The following GRM7 variants were observed in gnomAD, a reference collection of about 807,000 sequenced individuals.
GRM7 encodes glutamate metabotropic receptor 7.
GRM7 carries 35 observed loss-of-function variants against 84.5 expected under a neutral mutation model. The ratio of observed to expected loss-of-function variants is 0.41; its 90% confidence interval spans 0.32 to 0.55. GRM7 has a LOEUF of 0.55. GRM7 is among the 20% of genes least tolerant of loss of function. The probability of loss-of-function intolerance (pLI) is 0.19; values close to 1 mark genes in which losing one functional copy is unlikely to be tolerated. For missense variants in GRM7, 1,003 were observed against 1,194.6 expected, an observed-to-expected ratio of 0.84 and a Z score of 2.36; for synonymous variants, 487 against 455.1, an observed-to-expected ratio of 1.07 and a Z score of -0.89.
chr3:7,351,486 T>G (rs1411444642), intron 4 of GRM7, among the ~76,000 whole-genome samples: 3 of 152,068 alleles, frequency 2.0e-5, no homozygotes, highest in Non-Finnish European at 2.9e-5. Context: ...AGGTATCAAC[T>G]TGACTGGATT....
rs904252349 is a variant in GRM7 at position 7,219,324 on chromosome 3, A to G, written c.736+72656A>G. Among the ~76,000 whole-genome samples, 2 of 152,334 alleles carry G rather than the reference A, an allele frequency of 1.3e-5. 1 individual carries two copies. The highest frequency in any genetic ancestry group is 6.8e-3 in the Middle Eastern group (2 of 294). ...GGGAGATCTGTTCCCATCAGAACAG[A>G]CAGAGCTCATATAACGGCTGCATCT... On this transcript the variant is annotated intron_variant, in intron 2 of 9. Coordinates refer to ENST00000357716, the MANE Select transcript of GRM7 (RefSeq NM_000844.4).
In GRM7 at chr3:7,188,403, G is replaced by A. The variant is rs549833489; in HGVS notation, c.736+41735G>A. On this transcript the variant is annotated intron_variant, in intron 2 of 9. Transcript: ENST00000357716. The surrounding 1 kb of genome is among the most constrained non-coding windows in gnomAD (Gnocchi z 4.2). ...GTGTTGGCAAACTATAATCTGCATGGCATATCCAGCTCATATCTTGTTTTT... is the reference window on the plus strand; with the variant it reads ...GTGTTGGCAAACTATAATCTGCATGACATATCCAGCTCATATCTTGTTTTT... Among the ~76,000 whole-genome samples the A allele has an allele frequency of 2.0e-5, 3 of 152,192 alleles. No individual in the cohort carries two copies. The South Asian group carries it at 6.2e-4, about 32-fold the overall frequency.
At chr3:7,060,892 T>C (rs890975809) in intron 1 of GRM7, among the ~76,000 whole-genome samples, 5 of 151,846 alleles carry the variant, frequency 3.3e-5, no homozygotes, top group Admixed American at 2.0e-4. Flanking sequence ...CTCAAACAAT[T>C]TTCCTACCTC....
chr3:7,740,622 C>T lies in GRM7; in HGVS notation c.*216C>T. 1 of 410,292 alleles carries T rather than the reference C, an allele frequency of 2.4e-6. No individual in the cohort carries two copies. Among genetic ancestry groups the T allele is most frequent in the Non-Finnish European group, 4.3e-6 (1 of 232,830 alleles). The allele number at this position is 410,292 out of a possible 1,614,324, so 25.4% of individuals were successfully genotyped here. On this transcript the variant is annotated 3_prime_UTR_variant, in exon 10 of 10. Coordinates refer to ENST00000357716, the MANE Select transcript of GRM7 (RefSeq NM_000844.4). The stretch of plus-strand genomic sequence containing the variant: ...AATAAGTCACTGACATCAGCACTGC[C>T]AACTCGGCTGCAATTGTGGACCTTC...
intron 2 of GRM7, among the ~76,000 whole-genome samples, chr3:7,250,156 C>A (rs1374090278): frequency 6.6e-6 from 1 of 152,016 alleles, no homozygotes. Context: ...TATTTGAAAC[C>A]AGATATCCCT....
intron 1 of GRM7, among the ~76,000 whole-genome samples, chr3:7,021,243 T>C (rs999129663): frequency 5.9e-5 from 9 of 152,204 alleles, no homozygotes; most frequent in Non-Finnish European, 8.8e-5. Context: ...GACTCAAGTA[T>C]GTGATCCTGT....
chr3:7,240,459 T>G (rs1188947585), intron 2 of GRM7, among the ~76,000 whole-genome samples: 1 of 152,064 alleles, frequency 6.6e-6, no homozygotes, highest in Non-Finnish European at 1.5e-5. Flanking sequence ...AGTTTTTATT[T>G]TTGCAATATG....
intron 8 of GRM7, among the ~76,000 whole-genome samples, chr3:7,584,962 A>G (rs923800903): frequency 3.3e-5 from 5 of 152,234 alleles, no homozygotes; most frequent in African/African-American, 1.2e-4. Flanking sequence ...TGATTGTCCA[A>G]TCATCTGGTG....
chr3:7,233,397 A>C (rs114702927), intron 2 of GRM7, among the ~76,000 whole-genome samples: 94 of 152,266 alleles, frequency 6.2e-4, no homozygotes, highest in African/African-American at 7.5e-4. Flanking sequence ...AGTGGGAAAT[A>C]ACCACCACTA....
intron 7 of GRM7, among the ~76,000 whole-genome samples, chr3:7,462,846 T>A (rs56122483): frequency 0.024 from 3,635 of 152,156 alleles, 53 homozygotes; most frequent in Non-Finnish European, 0.035. Flanking sequence ...TTGGGAATGG[T>A]TGGAATCAAC....
chr3:7,157,135 A>G (rs1252612842), intron 2 of GRM7, among the ~76,000 whole-genome samples: 1 of 152,010 alleles, frequency 6.6e-6, no homozygotes, highest in African/African-American at 2.4e-5. Flanking sequence ...GTCAGCTCCA[A>G]CTCCATGGAG....
intron 2 of GRM7, among the ~76,000 whole-genome samples, chr3:7,255,548 C>A (rs913439726): frequency 6.6e-6 from 1 of 152,190 alleles, no homozygotes; most frequent in African/African-American, 2.4e-5. Context: ...GCTTTGGCAA[C>A]AGCATTTATT....
rs1463138449 is a variant in GRM7 at position 7,127,993 on chromosome 3, G to T, written c.520-18459G>T. Among the ~76,000 whole-genome samples, 10 of 151,866 alleles carry T rather than the reference G, an allele frequency of 6.6e-5. No homozygotes were observed. In the East Asian group the frequency reaches 1.9e-3, roughly 29 times the overall value. ...GGGGAAATAGAATTATTTCGAGTAG[G>T]AAACACACACTATAATTTTAGAGAG... On this transcript the variant is annotated intron_variant, in intron 1 of 9. Transcript: ENST00000357716.
chr3:7,635,960 G>A (rs975519116), intron 8 of GRM7, among the ~76,000 whole-genome samples: 1 of 152,176 alleles, frequency 6.6e-6, no homozygotes, highest in East Asian at 1.9e-4. Flanking sequence ...ACAGGTGTGC[G>A]CCATTGCAGC....
intron 9 of GRM7, among the ~76,000 whole-genome samples, chr3:7,732,603 A>C (rs988515903): frequency 9.9e-5 from 15 of 152,182 alleles, no homozygotes; most frequent in Admixed American, 3.3e-4. Flanking sequence ...CAAAACTGTG[A>C]ATATTTCCCT....
chr3:7,424,857 G>C (rs915868851), intron 5 of GRM7, among the ~76,000 whole-genome samples: 2 of 152,152 alleles, frequency 1.3e-5, no homozygotes, highest in African/African-American at 4.8e-5. Context: ...CGCTGAGCTA[G>C]AAAATAACAG....
At chr3:6,878,625 C>G (rs62237237) in intron 1 of GRM7, among the ~76,000 whole-genome samples, 6,107 of 152,196 alleles carry the variant, frequency 0.04, 170 homozygotes, top group Non-Finnish European at 0.057. Context: ...ACCAATACAT[C>G]ACGCACTAAT....
At chr3:7,081,475 C>T (rs1313494683) in intron 1 of GRM7, among the ~76,000 whole-genome samples, 1 of 152,036 alleles carries the variant, frequency 6.6e-6, no homozygotes, top group African/African-American at 2.4e-5. Flanking sequence ...ACTGGTTCTG[C>T]TTGCACTTCT....
chr3:7,229,755 A>ATTTTTTTTT (rs1266640710), intron 2 of GRM7, among the ~76,000 whole-genome samples: 8 of 28,484 alleles, frequency 2.8e-4, no homozygotes, highest in African/African-American at 1.1e-3. Flanking sequence ...ATATATATAT[A>ATTTTTTTTT]TATATTTTTT....
Sources: gnomAD v4.1 joint callset for allele counts (sites outside exome capture counted in the v4.1 genomes callset) on GRCh38, gnomAD v4.1.1 for gene constraint, Gnocchi (gnomAD v3.1) non-coding constraint, MANE v1.5 for transcripts, NCBI Gene and HGNC (gene_info 2026-07-23, HGNC 2026-07-21) for gene names.